Variants in SORCS1 observed in about 807,000 individuals in gnomAD.
SORCS1 encodes the protein sortilin related VPS10 domain containing receptor 1.
In SORCS1, 60 loss-of-function variants were observed where a neutral mutation model predicts 146.1. The ratio of observed to expected loss-of-function variants is 0.41; its 90% CI spans 0.33 to 0.51. The LOEUF (loss-of-function observed/expected upper bound fraction) is 0.51, where lower values mean the gene tolerates loss of function less well. Ranked by LOEUF, SORCS1 falls within the 20% of genes least tolerant of loss-of-function variation. SORCS1 has a pLI of 0.21. For missense variants in SORCS1, 1,352 were observed against 1,487.6 expected (o/e 0.91, Z 1.50); for synonymous variants, 637 against 584.0 (o/e 1.09, Z -1.31).
intron 4 of SORCS1, among the ~76,000 whole-genome samples, chr10:106,775,614 T>C (rs1860372747): frequency 1.3e-5 from 2 of 152,196 alleles, no homozygotes; most frequent in Admixed American, 6.5e-5. Flanking sequence ...TTAAGTCCAG[T>C]ATTTCTTTAA....
At chr10:106,808,831 T>C (rs1354735949) in intron 3 of SORCS1, among the ~76,000 whole-genome samples, 2 of 152,186 alleles carry the variant, frequency 1.3e-5, no homozygotes, top group Non-Finnish European at 2.9e-5. Flanking sequence ...TGAATGTCTT[T>C]TGTTAGCTGG....
At chr10:106,611,053 C>T (rs1221227369) in intron 22 of SORCS1, among the ~76,000 whole-genome samples, 1 of 151,894 alleles carries the variant, frequency 6.6e-6, no homozygotes, top group Non-Finnish European at 1.5e-5. Context: ...GCACTCCAGC[C>T]TGGGTGACAG....
At chr10:106,926,862 CACACAGAG>C (rs1299361421) in intron 2 of SORCS1, among the ~76,000 whole-genome samples, 5,990 of 96,586 alleles carry the variant, frequency 0.062, 355 homozygotes, top group African/African-American at 0.27. Flanking sequence ...CACACACACA[CACACAGAG>C]AGAGAGAGAG....
chr10:106,880,777 C>T (rs1950774336), intron 2 of SORCS1, among the ~76,000 whole-genome samples: 1 of 152,034 alleles, frequency 6.6e-6, no homozygotes, highest in Non-Finnish European at 1.5e-5. Flanking sequence ...CCCTAAGAAA[C>T]AAGCAGTAGG....
At chr10:106,695,179 A>G (rs985144578) in intron 9 of SORCS1, among the ~76,000 whole-genome samples, 8 of 152,008 alleles carry the variant, frequency 5.3e-5, no homozygotes, top group African/African-American at 1.9e-4. Context: ...AAATACATCC[A>G]CCCGACAAGA....
chr10:107,072,861 A>G (rs1380153556), intron 1 of SORCS1, among the ~76,000 whole-genome samples: 1 of 151,878 alleles, frequency 6.6e-6, no homozygotes, highest in Non-Finnish European at 1.5e-5. Flanking sequence ...CTATATTACT[A>G]TCCACAGCCA....
intron 1 of SORCS1, among the ~76,000 whole-genome samples, chr10:107,144,263 AT>A (rs1299048009): frequency 6.6e-6 from 1 of 152,220 alleles, no homozygotes; most frequent in Non-Finnish European, 1.5e-5. Flanking sequence ...TATTTCAACT[AT>A]TTAATTCTCC....
intron 1 of SORCS1, among the ~76,000 whole-genome samples, chr10:106,978,578 T>C (rs1956129958): frequency 6.6e-6 from 1 of 151,984 alleles, no homozygotes; most frequent in African/African-American, 2.4e-5. Context: ...GGCAGGCAGA[T>C]CATGAGGTCA....
chr10:106,802,597 C>G (rs1589916882), intron 3 of SORCS1, among the ~76,000 whole-genome samples: 1 of 151,968 alleles, frequency 6.6e-6, no homozygotes, highest in East Asian at 1.9e-4. Flanking sequence ...CTCCCAGGTT[C>G]AAGTGATTCT....
intron 17 of SORCS1, among the ~76,000 whole-genome samples, chr10:106,661,471 CAATT>C (rs1425403165): frequency 2.0e-5 from 3 of 152,138 alleles, no homozygotes; most frequent in Admixed American, 2.0e-4. Flanking sequence ...ACTGCAGTGA[CAATT>C]AAACATCAAA....
intron 2 of SORCS1, among the ~76,000 whole-genome samples, chr10:106,924,970 T>A (rs1000053956): frequency 7.2e-5 from 11 of 152,154 alleles, no homozygotes; most frequent in Middle Eastern, 3.2e-3. Flanking sequence ...CAAGATATAT[T>A]TACATTAAAG....
At chr10:106,703,362 A>C (rs1307080376) in intron 8 of SORCS1, among the ~76,000 whole-genome samples, 1 of 152,188 alleles carries the variant, frequency 6.6e-6, no homozygotes, top group East Asian at 1.9e-4. Context: ...ACTAATAATA[A>C]TATTACCTTG....
At position 106,811,930 on chromosome 10, in the gene SORCS1, G is replaced by T. The variant is rs1356542585; in HGVS notation, c.726+17644C>A. Reference sequence around the variant, plus strand: ...ACATGACCTGGACAATCCACTCACTGAATCTTCATTTCCTCAACTTGAAAA... The same window carrying T: ...ACATGACCTGGACAATCCACTCACTTAATCTTCATTTCCTCAACTTGAAAA... On this transcript the variant is annotated intron_variant, in intron 3 of 25. Coordinates refer to ENST00000263054, the MANE Select transcript of SORCS1 (RefSeq NM_052918.5). Among the ~76,000 whole-genome samples the T allele has an allele frequency of 2.0e-5, 3 of 151,930 alleles. 1 individual carries two copies. In the South Asian group the frequency reaches 6.2e-4, roughly 31 times the overall value.
At chr10:106,630,154 A>G (rs1369233623) in intron 18 of SORCS1, among the ~76,000 whole-genome samples, 2 of 151,868 alleles carry the variant, frequency 1.3e-5, no homozygotes, top group African/African-American at 4.8e-5. Context: ...CAACCTGAAT[A>G]CCCCTCGTTA....
chr10:106,693,420 G>A (rs942463052), intron 9 of SORCS1, among the ~76,000 whole-genome samples: 2 of 152,084 alleles, frequency 1.3e-5, no homozygotes, highest in Non-Finnish European at 2.9e-5. Context: ...CTGTCTCTTC[G>A]AACTTCTCTC....
intron 18 of SORCS1, among the ~76,000 whole-genome samples, chr10:106,648,214 T>A (rs1232737469): frequency 6.6e-6 from 1 of 152,158 alleles, no homozygotes; most frequent in African/African-American, 2.4e-5. Flanking sequence ...TTTTTTTCTC[T>A]TTTACTTGTC....
chr10:106,856,632 T>C (rs1039067572), intron 2 of SORCS1, among the ~76,000 whole-genome samples: 9 of 152,188 alleles, frequency 5.9e-5, no homozygotes, highest in Non-Finnish European at 4.4e-5. Context: ...CGAAGGTAAG[T>C]TCCCCCACCA....
At chr10:107,015,705 G>A (rs1303161842) in intron 1 of SORCS1, among the ~76,000 whole-genome samples, 1 of 152,116 alleles carries the variant, frequency 6.6e-6, no homozygotes, top group African/African-American at 2.4e-5. Flanking sequence ...CAGATGTTTT[G>A]CAAGGACTCT....
intron 1 of SORCS1, among the ~76,000 whole-genome samples, chr10:107,043,753 C>T (rs1161158640): frequency 6.6e-6 from 1 of 152,136 alleles, no homozygotes; most frequent in Non-Finnish European, 1.5e-5. Context: ...ATGATGCCTA[C>T]TAAATTCGGC....
Sources: gnomAD v4.1 joint callset for allele counts (sites outside exome capture counted in the v4.1 genomes callset) on GRCh38, gnomAD v4.1.1 for gene constraint, MANE v1.5 for transcripts, NCBI Gene and HGNC (gene_info 2026-07-23, HGNC 2026-07-21) for gene names.